TRPC4AP: variants seen among roughly 807,000 people sequenced by gnomAD.
TRPC4AP encodes short transient receptor potential channel 4-associated protein.
TRPC4AP carries 45 observed loss-of-function variants against 99.0 expected under a neutral mutation model. The observed-to-expected ratio is 0.45, with a 90% confidence interval of 0.36 to 0.58. The LOEUF is 0.58. TRPC4AP is among the 20% of genes least tolerant of loss of function. The pLI, the probability that TRPC4AP is intolerant of heterozygous loss-of-function variation, is 0.00. For missense variants in TRPC4AP, 879 were observed against 985.3 expected (o/e 0.89, Z 1.44); for synonymous variants, 408 against 385.8 (o/e 1.06, Z -0.67).
intron 1 of TRPC4AP, among the ~76,000 whole-genome samples, chr20:35,078,761 G>C (rs1389580209): frequency 6.6e-6 from 1 of 152,126 alleles, no homozygotes; most frequent in African/African-American, 2.4e-5. Flanking sequence ...TATACATATA[G>C]ATAGGTTAAA....
At chr20:35,021,151 C>T (rs1238935877) in intron 9 of TRPC4AP, 39 bp downstream of exon 9, 18 of 1,594,428 alleles carry the variant, frequency 1.1e-5, no homozygotes, top group Non-Finnish European at 1.5e-5. Context: ...CCGGGCAGCA[C>T]CTGCTCCCCG....
In TRPC4AP at chr20:35,055,234, G is replaced by C. The variant is rs142654947; in HGVS notation, c.473-203C>G. On this transcript the variant is annotated intron_variant, in intron 4 of 18. Transcript: ENST00000252015. The stretch of plus-strand genomic sequence containing the variant: ...ACAAGCCCATTTGCATATTGCTTTT[G>C]GTTTGATACAGCAGCTGTTTTCTTA... Among the ~76,000 whole-genome samples the C allele has an allele frequency of 3.3e-5, 5 of 152,158 alleles. No homozygotes were observed. The East Asian group carries it at 9.7e-4, about 29-fold the overall frequency.
Position 35,084,380 on chromosome 20 carries a change from T to C in TRPC4AP, c.169-6206A>G, listed in dbSNP as rs1417222818. Among the ~76,000 whole-genome samples the C allele has an allele frequency of 2.0e-5, 3 of 151,700 alleles. 1 individual carries two copies. The East Asian group carries it at 5.8e-4, about 29-fold the overall frequency. On this transcript the variant is annotated intron_variant, in intron 1 of 18. Coordinates refer to ENST00000252015, the MANE Select transcript of TRPC4AP (RefSeq NM_015638.3). ...CAAAATTTCACTTGTACCCCATTAATACAAATTTAAAAACAGTAAAATAAA... is the reference window on the plus strand; with the variant it reads ...CAAAATTTCACTTGTACCCCATTAACACAAATTTAAAAACAGTAAAATAAA...
intron 13 of TRPC4AP, among the ~76,000 whole-genome samples, chr20:35,008,337 G>C (rs1305189856): frequency 6.6e-6 from 1 of 152,164 alleles, no homozygotes; most frequent in Non-Finnish European, 1.5e-5. Flanking sequence ...GGCCAACCCT[G>C]GCTCCATTCC....
rs527945543 is a variant in TRPC4AP at position 35,006,330 on chromosome 20, C to T, written c.1827+105G>A. ...TTGCCAAAGACTGCCCAGACTCCCCCGTCGTCTCTAACGTAAAACCTGTGC... is the reference window on the plus strand; with the variant it reads ...TTGCCAAAGACTGCCCAGACTCCCCTGTCGTCTCTAACGTAAAACCTGTGC... On this transcript the variant is annotated intron_variant, in intron 15 of 18. Transcript: ENST00000252015. 45 of 1,370,324 alleles carry T rather than the reference C, an allele frequency of 3.3e-5. 1 individual carries two copies. The South Asian group carries it at 3.3e-4, about 10-fold the overall frequency. 84.9% of individuals were successfully genotyped at this position (1,370,324 alleles called of 1,614,324 possible).
At chr20:35,045,081 T>C (rs1047544973) in intron 6 of TRPC4AP, among the ~76,000 whole-genome samples, 3 of 152,176 alleles carry the variant, frequency 2.0e-5, no homozygotes, top group African/African-American at 7.2e-5. Context: ...TTTGCTTTTT[T>C]AAAAAATAAA....
Position 35,065,070 on chromosome 20 carries a change from G to A in TRPC4AP, c.414+4226C>T, listed in dbSNP as rs73273874. Reference sequence around the variant, plus strand: ...CTCAAAAGAGATCACATTCATCCAAGTAAGACGTAAGATGCTCAAGTGCAT... The same window carrying A: ...CTCAAAAGAGATCACATTCATCCAAATAAGACGTAAGATGCTCAAGTGCAT... On this transcript the variant is annotated intron_variant, in intron 3 of 18. Transcript: ENST00000252015. Among the ~76,000 whole-genome samples, 681 of 152,292 alleles carry A rather than the reference G, an allele frequency of 4.5e-3. 12 individuals carry two copies. The highest frequency in any genetic ancestry group is 0.015 in the African/African-American group (611 of 41,568).
intron 5 of TRPC4AP, among the ~76,000 whole-genome samples, chr20:35,051,069 C>CACACAT (rs1491277036): frequency 3.6e-5 from 5 of 138,076 alleles, no homozygotes; most frequent in African/African-American, 1.0e-4. Flanking sequence ...CACACACACA[C>CACACAT]ATATATATCC....
intron 1 of TRPC4AP, among the ~76,000 whole-genome samples, chr20:35,088,592 A>T (rs2084952033): frequency 6.6e-6 from 1 of 152,236 alleles, no homozygotes; most frequent in Non-Finnish European, 1.5e-5. Context: ...CTACGCTTTT[A>T]AAACATATTA....
rs116073608 is a variant in TRPC4AP at position 35,079,115 on chromosome 20, T to C, written c.169-941A>G. ...AAGATAAATCACATAAAAAGAAAGA[T>C]GGAGTAGTTATATTAATTTCAGAGA... On this transcript the variant is annotated intron_variant, in intron 1 of 18. Coordinates refer to ENST00000252015, the MANE Select transcript of TRPC4AP (RefSeq NM_015638.3). 6.2e-3 allele frequency among the ~76,000 whole-genome samples: 941 copies of C among 152,116 alleles called. 7 individuals carry two copies. The highest frequency in any genetic ancestry group is 0.021 in the African/African-American group (875 of 41,484).
chr20:35,019,318 C>A (rs982223018), intron 9 of TRPC4AP, among the ~76,000 whole-genome samples: 2 of 152,170 alleles, frequency 1.3e-5, no homozygotes, highest in African/African-American at 4.8e-5. Context: ...GTGGTCCCTT[C>A]CCAAGGAACC....
At chr20:35,084,756 ATATATG>A (rs1194887543) in intron 1 of TRPC4AP, among the ~76,000 whole-genome samples, 4 of 146,364 alleles carry the variant, frequency 2.7e-5, no homozygotes, top group Non-Finnish European at 3.0e-5. Context: ...TTATATGCAT[ATATATG>A]TATATGTATA....
intron 8 of TRPC4AP, among the ~76,000 whole-genome samples, chr20:35,028,862 C>G (rs1247233245): frequency 6.6e-6 from 1 of 152,182 alleles, no homozygotes; most frequent in Non-Finnish European, 1.5e-5. Flanking sequence ...TGGATGCATA[C>G]ATGTTTATAA....
chr20:35,057,228 G>T, intron 4 of TRPC4AP, among the ~76,000 whole-genome samples: 1 of 152,142 alleles, frequency 6.6e-6, no homozygotes, highest in Non-Finnish European at 1.5e-5. Context: ...CTCTCAGCTA[G>T]TTATATGTGA....
intron 3 of TRPC4AP, among the ~76,000 whole-genome samples, chr20:35,057,785 G>A (rs977285473): frequency 3.9e-5 from 6 of 152,062 alleles, no homozygotes; most frequent in Non-Finnish European, 8.8e-5. Flanking sequence ...GCCCTTCTCT[G>A]GCCTCAGCTT....
intron 3 of TRPC4AP, among the ~76,000 whole-genome samples, chr20:35,059,856 T>C (rs1600617200): frequency 1.4e-5 from 2 of 145,912 alleles, no homozygotes; most frequent in South Asian, 4.3e-4. Flanking sequence ...AAGATGAAGA[T>C]GAAGAAAAGA....
At chr20:35,065,420 C>T (rs1428748668) in intron 3 of TRPC4AP, among the ~76,000 whole-genome samples, 1 of 152,232 alleles carries the variant, frequency 6.6e-6, no homozygotes, top group Non-Finnish European at 1.5e-5. Flanking sequence ...AACTCTAAGA[C>T]ACACTTTTCA....
intron 3 of TRPC4AP, among the ~76,000 whole-genome samples, chr20:35,063,024 A>G (rs774809734): frequency 6.6e-6 from 1 of 152,224 alleles, no homozygotes; most frequent in Admixed American, 6.5e-5. Context: ...CTTCAATTGT[A>G]ATAATCCTCA....
intron 11 of TRPC4AP, among the ~76,000 whole-genome samples, chr20:35,012,177 A>AAAACC (rs2082652962): frequency 6.6e-6 from 1 of 152,268 alleles, no homozygotes; most frequent in Non-Finnish European, 1.5e-5. Flanking sequence ...TTTCAGCCGG[A>AAAACC]AAACCTCTCA....
Sources: gnomAD v4.1 joint callset for allele counts (sites outside exome capture counted in the v4.1 genomes callset) on GRCh38, gnomAD v4.1.1 for gene constraint, MANE v1.5 for transcripts, NCBI Gene and HGNC (gene_info 2026-07-23, HGNC 2026-07-21) for gene names.